Variants in NAALADL2 observed in about 807,000 individuals in gnomAD.
NAALADL2 encodes inactive N-acetylated-alpha-linked acidic dipeptidase-like protein 2.
In NAALADL2, 76 loss-of-function variants were observed where a neutral mutation model predicts 87.2. The ratio of observed to expected loss-of-function variants is 0.87; its 90% CI spans 0.72 to 1.05. The LOEUF (loss-of-function observed/expected upper bound fraction) is 1.05. Ranked by LOEUF, NAALADL2 falls within the 50% of genes least tolerant of loss-of-function variation. NAALADL2 has a pLI of 0.00. For missense variants in NAALADL2, 1,089 were observed against 945.8 expected, an observed-to-expected ratio of 1.15 and a Z score of -1.99; for synonymous variants, 354 against 331.0, an observed-to-expected ratio of 1.07 and a Z score of -0.75.
At chr3:175,089,694 C>A (rs1354684884) in intron 1 of NAALADL2, among the ~76,000 whole-genome samples, 1 of 152,120 alleles carries the variant, frequency 6.6e-6, no homozygotes, top group African/African-American at 2.4e-5. Flanking sequence ...TAATAGATTT[C>A]TCTGACTAGA....
At chr3:175,619,806 G>T (rs899611035) in intron 10 of NAALADL2, among the ~76,000 whole-genome samples, 3 of 152,104 alleles carry the variant, frequency 2.0e-5, no homozygotes, top group Admixed American at 2.0e-4. Context: ...CACCATAATG[G>T]ACTGTTGGGG....
rs200756023 is a variant in NAALADL2, at chr3:175,655,888, GA to G, written c.1896+28509del. On this transcript the variant is annotated intron_variant, in intron 11 of 13. Coordinates refer to ENST00000454872, the MANE Select transcript of NAALADL2 (RefSeq NM_207015.3). ...TGTGGAAGGAAAATTAATATAAAAA[GA>G]AAAAAAGTAATACGCCCTTTGTGCA... Among the ~76,000 whole-genome samples, 1,008 of 152,048 alleles carry G rather than the reference GA, an allele frequency of 6.6e-3. 14 individuals are homozygous for G. The highest frequency in any genetic ancestry group is 0.023 in the African/African-American group (956 of 41,496).
rs372056645 is a variant in NAALADL2, at chr3:175,809,774, T to TAATATTTTAATCATGTATTC, written c.*6575_*6576insTTTTAATCATGTATTCAATA. 1.3e-5 allele frequency: 2 copies of TAATATTTTAATCATGTATTC among 152,054 alleles called. No homozygotes were observed. The highest frequency in any genetic ancestry group is 4.8e-5 in the African/African-American group (2 of 41,442). 9.4% of individuals were successfully genotyped at this position (152,054 alleles called of 1,614,324 possible). A position where few individuals can be genotyped will look rare whatever the true frequency, so the allele number is the denominator to read the frequency against. On this transcript the variant is annotated 3_prime_UTR_variant, in exon 14 of 14. Coordinates refer to ENST00000454872, the MANE Select transcript of NAALADL2 (RefSeq NM_207015.3). The stretch of plus-strand genomic sequence containing the variant: ...AATGTTAATATGGGACACATGCATT[T>TAATATTTTAATCATGTATTC]AATACTTTAATCATGTATTCAATGT...
chr3:175,035,836 C>A (rs1378280670), intron 1 of NAALADL2, among the ~76,000 whole-genome samples: 1 of 152,102 alleles, frequency 6.6e-6, no homozygotes, highest in Non-Finnish European at 1.5e-5. Flanking sequence ...AATTCAGATT[C>A]CTAAGTCCAA....
At chr3:175,619,958 T>A (rs1280181607) in intron 10 of NAALADL2, among the ~76,000 whole-genome samples, 1 of 151,230 alleles carries the variant, frequency 6.6e-6, no homozygotes, top group Non-Finnish European at 1.5e-5. Flanking sequence ...CCCCGAGGGG[T>A]GATGGAGAAT....
At chr3:175,285,256 C>T (rs866856634) in intron 4 of NAALADL2, among the ~76,000 whole-genome samples, 7 of 152,106 alleles carry the variant, frequency 4.6e-5, no homozygotes, top group African/African-American at 1.7e-4. Context: ...ATATTGGTTA[C>T]TTGTTTTTTA....
chr3:174,580,484 A>C (rs1348422085), intron 2 of NAALADL2, among the ~76,000 whole-genome samples: 8 of 152,074 alleles, frequency 5.3e-5, no homozygotes, highest in Non-Finnish European at 8.8e-5. Context: ...ATGTATATAC[A>C]TTTGAAATTC....
intron 2 of NAALADL2, among the ~76,000 whole-genome samples, chr3:174,563,895 G>T (rs1010865570): frequency 1.3e-5 from 2 of 152,044 alleles, no homozygotes; most frequent in African/African-American, 4.8e-5. Context: ...CTTAAGATTG[G>T]CTGCAAGAGA....
chr3:175,136,833 A>G (rs958764454), intron 2 of NAALADL2, among the ~76,000 whole-genome samples: 2 of 152,162 alleles, frequency 1.3e-5, no homozygotes, highest in Non-Finnish European at 2.9e-5. Context: ...TTGTGTTTCT[A>G]TAAGTCAATA....
chr3:174,521,571 CAAAAA>C (rs58465181), intron 1 of NAALADL2, among the ~76,000 whole-genome samples: 4 of 56,192 alleles, frequency 7.1e-5, no homozygotes, highest in South Asian at 9.2e-4. Context: ...GACCCTGTCT[CAAAAA>C]AAAAAAAAAA....
chr3:175,191,235 C>A (rs1394287088), intron 2 of NAALADL2, among the ~76,000 whole-genome samples: 1 of 151,500 alleles, frequency 6.6e-6, no homozygotes, highest in Non-Finnish European at 1.5e-5. Flanking sequence ...TATCATGTTG[C>A]ATACTTTATG....
At chr3:175,517,321 T>C (rs2149408183) in intron 9 of NAALADL2, among the ~76,000 whole-genome samples, 1 of 152,324 alleles carries the variant, frequency 6.6e-6, no homozygotes, top group South Asian at 2.1e-4. Context: ...TTTCATGACA[T>C]CATGCATTAG....
At chr3:175,502,740 C>G (rs931086297) in intron 9 of NAALADL2, among the ~76,000 whole-genome samples, 1 of 151,992 alleles carries the variant, frequency 6.6e-6, no homozygotes, top group Admixed American at 6.6e-5. Flanking sequence ...CTCTGGAGAA[C>G]CTAAACATCA....
intron 9 of NAALADL2, among the ~76,000 whole-genome samples, chr3:175,496,967 G>C (rs1216386278): frequency 6.6e-6 from 1 of 151,942 alleles, no homozygotes; most frequent in Non-Finnish European, 1.5e-5. Flanking sequence ...ATTATAACTT[G>C]ACTTTATAGA....
chr3:174,826,866 G>A lies in NAALADL2; in HGVS notation c.-9+89120G>A, dbSNP rs555432091. Among the ~76,000 whole-genome samples the A allele has an allele frequency of 3.3e-5, 5 of 152,134 alleles. No homozygotes were observed. The South Asian group carries it at 1.0e-3, about 32-fold the overall frequency. On this transcript the variant is annotated intron_variant, in intron 3 of 3. Transcript: ENST00000434257. ...CTGAGGCCACTTCTACCTATTGTTAGAATAATTATCCTTAATAATTCTAGT... is the reference window on the plus strand; with the variant it reads ...CTGAGGCCACTTCTACCTATTGTTAAAATAATTATCCTTAATAATTCTAGT...
chr3:175,713,759 C>G (rs1443122500), intron 11 of NAALADL2, among the ~76,000 whole-genome samples: 1 of 151,866 alleles, frequency 6.6e-6, no homozygotes, highest in African/African-American at 2.4e-5. Flanking sequence ...ACTTTAAGTT[C>G]TGGGATACAT....
At chr3:175,074,527 T>A (rs1189082323) in intron 1 of NAALADL2, among the ~76,000 whole-genome samples, 1 of 152,120 alleles carries the variant, frequency 6.6e-6, no homozygotes, top group Non-Finnish European at 1.5e-5. Context: ...TTTCCAGTCT[T>A]TGCAACTGGA....
In NAALADL2 at chr3:175,603,155, C is replaced by A. The variant is rs190420422; in HGVS notation, c.1801-24136C>A. 2.4e-3 allele frequency among the ~76,000 whole-genome samples: 371 copies of A among 152,186 alleles called. 3 individuals are homozygous for A. The highest frequency in any genetic ancestry group is 8.7e-3 in the African/African-American group (362 of 41,530). On this transcript the variant is annotated intron_variant, in intron 10 of 13. Transcript: ENST00000454872. ...CTCATATTCTAGTTTTTTCACTTGG[C>A]CTAATAATGTCCTTTATAGCGTTTA...
chr3:174,965,603 A>G (rs1002949658), intron 1 of NAALADL2, among the ~76,000 whole-genome samples: 2 of 152,162 alleles, frequency 1.3e-5, no homozygotes, highest in African/African-American at 4.8e-5. Context: ...ATTTTTAAAG[A>G]CAATATTTAG....
Sources: gnomAD v4.1 joint callset for allele counts (sites outside exome capture counted in the v4.1 genomes callset) on GRCh38, gnomAD v4.1.1 for gene constraint, MANE v1.5 for transcripts, NCBI Gene and HGNC (gene_info 2026-07-23, HGNC 2026-07-21) for gene names.